The following SULT1E1 variants were observed in gnomAD, a reference collection of about 807,000 sequenced individuals.
SULT1E1 encodes the protein sulfotransferase 1E1.
SULT1E1 carries 36 observed loss-of-function variants against 33.6 expected under a neutral mutation model. The observed-to-expected ratio is 1.07, with a 90% confidence interval of 0.82 to 1.41. The LOEUF (loss-of-function observed/expected upper bound fraction) is 1.41, where lower values mean the gene tolerates loss of function less well. SULT1E1 is among the 40% of genes most tolerant of loss of function. SULT1E1 has a pLI of 0.00. For synonymous variants in SULT1E1, 121 were observed against 111.7 expected (o/e 1.08, Z -0.53); for missense variants, 371 against 345.7 (o/e 1.07, Z -0.58).
chr4:69,844,367 C>T, intron 6 of SULT1E1, 26 bp from the exon 7 acceptor site: 2 of 1,549,082 alleles, frequency 1.3e-6, no homozygotes, highest in Non-Finnish European at 1.8e-6. Context: ...GTTTTGAGAA[C>T]TAAATTGCTA....
the SULT1E1 span, among the ~76,000 whole-genome samples, chr4:69,830,537 C>T: frequency 2.6e-5 from 4 of 152,216 alleles, no homozygotes; most frequent in Non-Finnish European, 4.4e-5. Context: ...CTGCTTTTCT[C>T]CCACCATTTT....
At chr4:69,852,948 T>C (rs1721157814) in intron 4 of SULT1E1, among the ~76,000 whole-genome samples, 1 of 152,146 alleles carries the variant, frequency 6.6e-6, no homozygotes, top group Non-Finnish European at 1.5e-5. Context: ...TCCTGGAAAG[T>C]ACATAACTGG....
Position 69,842,080 on chromosome 4 carries a change from A to G in SULT1E1, c.799T>C (p.Phe267Leu). ...AATTTTTCATTCAGGGCTACTGTAA[A>G]GTGATTTTTCCAGTCTCCTGTAATT... ...KGITGDWKNH[F>L]TVALNEKFDK... Residue 267 changes from phenylalanine to leucine, a missense_variant, in exon 8 of 8, where the codon TTT (phenylalanine) becomes CTT (leucine). Transcript: ENST00000226444. The G allele has an allele frequency of 6.2e-7, 1 of 1,609,480 alleles. No homozygotes were observed. The highest frequency in any genetic ancestry group is 8.5e-7 in the Non-Finnish European group (1 of 1,177,982).
chr4:69,849,134 C>A (rs1015816369), intron 5 of SULT1E1: 1 of 197,602 alleles, frequency 5.1e-6, no homozygotes. Context: ...TAAAAAGAGA[C>A]AAGGCAGAAA....
At chr4:69,824,876 G>A in the SULT1E1 span, among the ~76,000 whole-genome samples, 17 of 152,264 alleles carry the variant, frequency 1.1e-4, no homozygotes, top group East Asian at 1.4e-3. Context: ...GTGGCAACCC[G>A]CTGAGGTCCC....
intron 6 of SULT1E1, among the ~76,000 whole-genome samples, chr4:69,847,490 G>A (rs1176442963): frequency 1.3e-5 from 2 of 151,154 alleles, no homozygotes; most frequent in Non-Finnish European, 3.0e-5. Context: ...TGAGACTTGT[G>A]GTTTAAAATG....
intron 5 of SULT1E1, among the ~76,000 whole-genome samples, chr4:69,848,672 C>T (rs192414983): frequency 6.6e-6 from 1 of 151,872 alleles, no homozygotes; most frequent in East Asian, 1.9e-4. Context: ...AAAATTTTCC[C>T]AAAATGTAGC....
the SULT1E1 span, among the ~76,000 whole-genome samples, chr4:69,824,917 C>T: frequency 6.6e-6 from 1 of 152,190 alleles, no homozygotes; most frequent in Non-Finnish European, 1.5e-5. Context: ...TGTTCTTTAC[C>T]TCTTCACAAT....
chr4:69,850,870 G>A (rs1213240850), intron 4 of SULT1E1, among the ~76,000 whole-genome samples: 1 of 151,730 alleles, frequency 6.6e-6, no homozygotes, highest in Non-Finnish European at 1.5e-5. Context: ...CTTTATTTTG[G>A]CAGATCTTAT....
At chr4:69,821,995 T>C in the SULT1E1 span, among the ~76,000 whole-genome samples, 519 of 152,328 alleles carry the variant, frequency 3.4e-3, 1 homozygote, top group Non-Finnish European at 5.4e-3. Flanking sequence ...TGCTCACTTG[T>C]GAACTATCCA....
chr4:69,842,233 A>T, intron 7 of SULT1E1, 127 bp from the exon 8 acceptor site: 1 of 610,746 alleles, frequency 1.6e-6, no homozygotes, highest in Non-Finnish European at 2.8e-6. Flanking sequence ...TTTAAGAATC[A>T]AATGTATACC....
downstream of SULT1E1, among the ~76,000 whole-genome samples, chr4:69,839,001 A>T (rs1359180835): frequency 6.6e-6 from 1 of 152,174 alleles, no homozygotes; most frequent in Non-Finnish European, 1.5e-5. Context: ...ATGCTTGTTT[A>T]TTTTATGCTG....
chr4:69,845,017 T>C (rs1720946380), intron 6 of SULT1E1, among the ~76,000 whole-genome samples: 1 of 152,106 alleles, frequency 6.6e-6, no homozygotes, highest in South Asian at 2.1e-4. Flanking sequence ...TTTCAGCTTA[T>C]TTATCAACTT....
In SULT1E1 at chr4:69,849,425, A is replaced by G; in HGVS notation, c.496+12T>C. On this transcript the variant is annotated intron_variant, in intron 5 of 7. Transcript: ENST00000226444. ...CTTGAAAAAAAATTCAGTGTAAAGA[A>G]GCTGTTCCTACCCTGTCCTTGCATG... The G allele has an allele frequency of 6.2e-7, 1 of 1,608,858 alleles. No homozygotes were observed. Among genetic ancestry groups the G allele is most frequent in the Non-Finnish European group, 8.5e-7 (1 of 1,176,976 alleles).
the SULT1E1 span, among the ~76,000 whole-genome samples, chr4:69,830,739 T>C: frequency 6.4e-3 from 974 of 152,364 alleles, 16 homozygotes; most frequent in African/African-American, 0.022. Context: ...CTCTTCCATA[T>C]TAAACAGTGT....
Position 69,842,618 on chromosome 4 carries a change from A to G in SULT1E1, c.773-512T>C, listed in dbSNP as rs186467722. ...TAATGACCTGTGTAGAGTCAACACC[A>G]GGTATCTACACATAAGCTTGGACGT... On this transcript the variant is annotated intron_variant, in intron 7 of 7. Transcript: ENST00000226444. Among the ~76,000 whole-genome samples the G allele has an allele frequency of 2.7e-3, 407 of 151,802 alleles. 1 individual carries two copies. Among genetic ancestry groups the G allele is most frequent in the Non-Finnish European group, 4.2e-3 (287 of 67,874 alleles).
chr4:69,835,083 G>T, the SULT1E1 span, among the ~76,000 whole-genome samples: 1 of 152,066 alleles, frequency 6.6e-6, no homozygotes, highest in African/African-American at 2.4e-5. Flanking sequence ...CACATATTCT[G>T]AATTATATTA....
At chr4:69,846,692 A>G (rs920931339) in intron 6 of SULT1E1, among the ~76,000 whole-genome samples, 2 of 151,660 alleles carry the variant, frequency 1.3e-5, no homozygotes, top group African/African-American at 4.8e-5. Context: ...GATAATGACA[A>G]GTTGTTTCCA....
rs763360917 is a variant in SULT1E1, at chr4:69,849,442, C to A, written c.491G>T (p.Gly164Val). 1.2e-6 allele frequency: 2 copies of A among 1,610,818 alleles called. No individual in the cohort carries two copies. Among genetic ancestry groups the A allele is most frequent in the Non-Finnish European group, 1.7e-6 (2 of 1,177,660 alleles). The change falls in exon 5 of 8, where the codon GGA (glycine) becomes GTA (valine). Residue 164 changes from glycine (G) to valine (V), a missense_variant. Transcript: ENST00000226444. ...FPEFVEKFMQGQVPYGSWYKH... is the reference protein window; with the variant it reads ...FPEFVEKFMQVQVPYGSWYKH... Reference sequence around the variant, plus strand: ...TGTAAAGAAGCTGTTCCTACCCTGTCCTTGCATGAATTTCTCCACAAACTC... The same window carrying A: ...TGTAAAGAAGCTGTTCCTACCCTGTACTTGCATGAATTTCTCCACAAACTC...
Sources: allele counts gnomAD v4.1 joint callset (sites outside exome capture counted in the v4.1 genomes callset), GRCh38; gene constraint gnomAD v4.1.1; transcripts MANE v1.5; gene names NCBI Gene and HGNC (gene_info 2026-07-23, HGNC 2026-07-21).